The following EPM2A variants were observed in gnomAD, a reference collection of about 807,000 sequenced individuals.
EPM2A encodes the protein laforin.
In EPM2A, 21 loss-of-function variants were observed where a neutral mutation model predicts 26.5. The observed-to-expected ratio is 0.79, with a 90% CI of 0.56 to 1.14. The LOEUF (loss-of-function observed/expected upper bound fraction) is 1.14. Among genes scored for constraint, EPM2A ranks in the 50% most tolerant of loss-of-function variants. The pLI, the probability that EPM2A is intolerant of heterozygous loss-of-function variation, is 0.00. For missense variants in EPM2A, 458 were observed against 440.8 expected (o/e 1.04, Z -0.35); for synonymous variants, 217 against 177.6 (o/e 1.22, Z -1.76).
chr6:145,670,694 A>G (rs1480594022), intron 2 of EPM2A, among the ~76,000 whole-genome samples: 5 of 152,146 alleles, frequency 3.3e-5, no homozygotes, highest in African/African-American at 1.2e-4. Flanking sequence ...TTGAAAATAA[A>G]TCATCCTAAT....
rs1249562420 is a variant in EPM2A at position 145,625,526 on chromosome 6, T to C, written c.*1890A>G. On this transcript the variant is annotated 3_prime_UTR_variant, in exon 4 of 4. Transcript: ENST00000367519. Reference sequence around the variant, plus strand: ...CTGGATTTCTTAGACATTAAAGAAATTCACAGACCCACATAGTTTAAAAAT... The same window carrying C: ...CTGGATTTCTTAGACATTAAAGAAACTCACAGACCCACATAGTTTAAAAAT... 1.8e-6 allele frequency: 1 copy of C among 571,244 alleles called. No individual in the cohort carries two copies. Among genetic ancestry groups the C allele is most frequent in the South Asian group, 2.4e-5 (1 of 41,820 alleles). The allele number at this position is 571,244 out of a possible 1,614,324, so 35.4% of individuals were successfully genotyped here.
intron 2 of EPM2A, among the ~76,000 whole-genome samples, chr6:145,650,212 T>G (rs1159138711): frequency 6.6e-6 from 1 of 152,148 alleles, no homozygotes; most frequent in African/African-American, 2.4e-5. Context: ...TGATGAGCAC[T>G]TTCTCCTCTC....
chr6:145,415,152 G>A (rs576182439), intron 4 of EPM2A, among the ~76,000 whole-genome samples: 8 of 152,160 alleles, frequency 5.3e-5, no homozygotes, highest in Non-Finnish European at 8.8e-5. Context: ...GCAAGTTCAG[G>A]GAAAGTTAGG....
intron 2 of EPM2A, among the ~76,000 whole-genome samples, chr6:145,578,614 G>A (rs1011617158): frequency 5.3e-5 from 8 of 152,076 alleles, no homozygotes; most frequent in Non-Finnish European, 1.0e-4. Context: ...CCATTTAAAG[G>A]ACTAATACCA....
chr6:145,618,947 A>C (rs1775572784), intron 2 of EPM2A, among the ~76,000 whole-genome samples: 1 of 152,244 alleles, frequency 6.6e-6, no homozygotes, highest in Non-Finnish European at 1.5e-5. Flanking sequence ...AAGATAAGCC[A>C]GGAAGCTTTA....
At chr6:145,545,711 C>T (rs941211600) in intron 2 of EPM2A, among the ~76,000 whole-genome samples, 1 of 152,132 alleles carries the variant, frequency 6.6e-6, no homozygotes, top group Non-Finnish European at 1.5e-5. Context: ...CCCTGCAGGA[C>T]CCGAGCTGAG....
intron 2 of EPM2A, among the ~76,000 whole-genome samples, chr6:145,595,099 G>A (rs1412711245): frequency 6.7e-6 from 1 of 150,134 alleles, no homozygotes; most frequent in Non-Finnish European, 1.5e-5. Context: ...AAGATTAGCA[G>A]AGATCTGTCT....
chr6:145,578,727 T>G (rs1485374059), intron 2 of EPM2A, among the ~76,000 whole-genome samples: 1 of 152,272 alleles, frequency 6.6e-6, no homozygotes, highest in East Asian at 1.9e-4. Flanking sequence ...CATAATAAAC[T>G]GTATATATTG....
intron 2 of EPM2A, chr6:145,502,585 G>A (rs1209172596): frequency 1.3e-5 from 6 of 470,786 alleles, no homozygotes; most frequent in Non-Finnish European, 2.2e-5. Flanking sequence ...TCTGGAAAAA[G>A]GAGGAGAGGA....
chr6:145,542,072 T>C (rs1312144613), intron 2 of EPM2A, among the ~76,000 whole-genome samples: 1 of 152,048 alleles, frequency 6.6e-6, no homozygotes, highest in Non-Finnish European at 1.5e-5. Flanking sequence ...CAGACTACAA[T>C]ATAAAACATA....
chr6:145,697,220 T>G (rs548559429), intron 1 of EPM2A, among the ~76,000 whole-genome samples: 2 of 152,042 alleles, frequency 1.3e-5, no homozygotes, highest in African/African-American at 4.8e-5. Flanking sequence ...GGGGGAGACA[T>G]CACATGTCGG....
intron 4 of EPM2A, among the ~76,000 whole-genome samples, chr6:145,493,552 C>T (rs1779781367): frequency 6.6e-6 from 1 of 152,176 alleles, no homozygotes; most frequent in Non-Finnish European, 1.5e-5. Context: ...GAGAGGGCAT[C>T]CTTGCCTTGT....
At chr6:145,589,704 C>A (rs2128547515) in intron 2 of EPM2A, among the ~76,000 whole-genome samples, 1 of 152,034 alleles carries the variant, frequency 6.6e-6, no homozygotes, top group South Asian at 2.1e-4. Context: ...ATGGCGAGGA[C>A]CTCAATCTTG....
intron 2 of EPM2A, among the ~76,000 whole-genome samples, chr6:145,510,542 A>G (rs1780041344): frequency 6.6e-6 from 1 of 152,198 alleles, no homozygotes; most frequent in African/African-American, 2.4e-5. Flanking sequence ...TTTGAAACAA[A>G]TAAAAATGGA....
Position 145,406,429 on chromosome 6 carries a change from C to G in EPM2A, c.556-22332G>C, listed in dbSNP as rs78935443. 4.0e-3 allele frequency among the ~76,000 whole-genome samples: 614 copies of G among 152,220 alleles called. 3 individuals carry two copies. Among genetic ancestry groups the G allele is most frequent in the African/African-American group, 0.014 (580 of 41,556 alleles). Reference sequence around the variant, plus strand: ...GCACTGTTATTGAAACTGCATCATCCATTGTAATTTAATTTCCACTCTTAA... The same window carrying G: ...GCACTGTTATTGAAACTGCATCATCGATTGTAATTTAATTTCCACTCTTAA... On this transcript the variant is annotated intron_variant, in intron 4 of 4. Coordinates refer to the EPM2A transcript ENST00000638717.
intron 2 of EPM2A, among the ~76,000 whole-genome samples, chr6:145,522,793 A>C (rs1780220160): frequency 6.6e-6 from 1 of 152,176 alleles, no homozygotes; most frequent in Non-Finnish European, 1.5e-5. Context: ...AATTACCAGC[A>C]CACCACAATC....
intron 1 of EPM2A, among the ~76,000 whole-genome samples, chr6:145,709,422 A>G (rs935705924): frequency 3.9e-5 from 6 of 152,162 alleles, no homozygotes; most frequent in African/African-American, 1.4e-4. Flanking sequence ...GTGCTAGTGA[A>G]TAAGTCTCAC....
At chr6:145,552,422 C>G (rs1377014182) in intron 2 of EPM2A, among the ~76,000 whole-genome samples, 1 of 151,826 alleles carries the variant, frequency 6.6e-6, no homozygotes, top group African/African-American at 2.4e-5. Flanking sequence ...AGAATGAAAA[C>G]CAGAAGATTG....
intron 2 of EPM2A, chr6:145,641,129 T>G (rs972174510): frequency 6.6e-6 from 1 of 152,218 alleles, no homozygotes; most frequent in African/African-American, 2.4e-5. Flanking sequence ...ATTTTCCATA[T>G]TATGAAATGC....
Sources: gnomAD v4.1 joint callset for allele counts (sites outside exome capture counted in the v4.1 genomes callset) on GRCh38, gnomAD v4.1.1 for gene constraint, MANE v1.5 for transcripts, NCBI Gene and HGNC (gene_info 2026-07-23, HGNC 2026-07-21) for gene names.